The following LMBR1 variants were observed in gnomAD, a reference collection of about 807,000 sequenced individuals.
The protein encoded by LMBR1 is limb development membrane protein 1.
A neutral mutation model predicts 73.9 loss-of-function variants in LMBR1; 52 were observed. The ratio of observed to expected loss-of-function variants is 0.70; its 90% CI spans 0.56 to 0.89. The LOEUF is 0.89. Ranked by LOEUF, LMBR1 falls within the 40% of genes least tolerant of loss-of-function variation. LMBR1 has a pLI of 0.00. For synonymous variants in LMBR1, 215 were observed against 209.4 expected, an observed-to-expected ratio of 1.03 and a Z score of -0.23; for missense variants, 539 against 579.8, an observed-to-expected ratio of 0.93 and a Z score of 0.72.
chr7:156,850,725 C>T (rs1796118662), intron 1 of LMBR1, among the ~76,000 whole-genome samples: 1 of 151,828 alleles, frequency 6.6e-6, no homozygotes, highest in Admixed American at 6.5e-5. Flanking sequence ...CAATTGTATA[C>T]CCACACAAGG....
chr7:156,703,246 G>A (rs971777630), intron 15 of LMBR1, among the ~76,000 whole-genome samples: 4 of 152,204 alleles, frequency 2.6e-5, no homozygotes, highest in African/African-American at 9.7e-5. Flanking sequence ...CCAACCACTG[G>A]AGTTAGGGGG....
chr7:156,837,297 C>T (rs1177698148), intron 1 of LMBR1, among the ~76,000 whole-genome samples: 4 of 148,164 alleles, frequency 2.7e-5, no homozygotes, highest in Non-Finnish European at 5.9e-5. Context: ...ATCACACCAT[C>T]GCACTCTAGC....
intron 10 of LMBR1, among the ~76,000 whole-genome samples, chr7:156,733,435 G>C (rs1187991734): frequency 6.6e-6 from 1 of 152,054 alleles, no homozygotes; most frequent in Non-Finnish European, 1.5e-5. Flanking sequence ...GAACGTGTTA[G>C]AGACATAATA....
At chr7:156,812,658 T>A (rs1200413695) in intron 4 of LMBR1, among the ~76,000 whole-genome samples, 1 of 152,180 alleles carries the variant, frequency 6.6e-6, no homozygotes, top group African/African-American at 2.4e-5. Flanking sequence ...TGTAAGACTC[T>A]ACACAGAGGG....
intron 1 of LMBR1, among the ~76,000 whole-genome samples, chr7:156,837,714 C>A (rs1199684788): frequency 6.6e-6 from 1 of 151,014 alleles, no homozygotes; most frequent in African/African-American, 2.4e-5. Flanking sequence ...AGATATACCC[C>A]ATATCAAAAT....
intron 3 of LMBR1, among the ~76,000 whole-genome samples, chr7:156,833,035 A>G (rs1345266484): frequency 6.6e-6 from 1 of 152,214 alleles, no homozygotes; most frequent in South Asian, 2.1e-4. Context: ...GGTAGAATGC[A>G]CTGTTTATTG....
At chr7:156,723,621 G>C (rs1293848260) in intron 15 of LMBR1, among the ~76,000 whole-genome samples, 1 of 152,082 alleles carries the variant, frequency 6.6e-6, no homozygotes, top group Non-Finnish European at 1.5e-5. Flanking sequence ...TGAATGACAG[G>C]CAAGTAGGAA....
chr7:156,892,143 A>G (rs2134666132), intron 1 of LMBR1, among the ~76,000 whole-genome samples: 1 of 152,382 alleles, frequency 6.6e-6, no homozygotes, highest in East Asian at 1.9e-4. Flanking sequence ...CCAACAGCAC[A>G]CATGGAACAT....
intron 4 of LMBR1, among the ~76,000 whole-genome samples, chr7:156,799,584 C>A (rs1488390830): frequency 6.6e-5 from 10 of 152,156 alleles, no homozygotes. Flanking sequence ...CCTAGGGCCT[C>A]CCCATTCCCT....
At chr7:156,847,340 G>A (rs1795635157) in intron 1 of LMBR1, among the ~76,000 whole-genome samples, 1 of 152,140 alleles carries the variant, frequency 6.6e-6, no homozygotes, top group Non-Finnish European at 1.5e-5. Context: ...GAGACTCCTA[G>A]AAGATAACAA....
downstream of LMBR1, among the ~76,000 whole-genome samples, chr7:156,673,906 T>TAAAA (rs3030984): frequency 4.3e-3 from 433 of 100,852 alleles, 2 homozygotes; most frequent in South Asian, 0.016. Flanking sequence ...TCCACATTAA[T>TAAAA]AAAAAAAAAA....
chr7:156,764,309 G>T (rs1308394535), intron 5 of LMBR1, among the ~76,000 whole-genome samples: 1 of 152,252 alleles, frequency 6.6e-6, no homozygotes, highest in East Asian at 1.9e-4. Context: ...ATAAACTATA[G>T]AGATACTGCT....
chr7:156,818,622 G>A (rs1834291383), intron 4 of LMBR1, among the ~76,000 whole-genome samples: 1 of 152,080 alleles, frequency 6.6e-6, no homozygotes, highest in South Asian at 2.1e-4. Flanking sequence ...ACAATTCAGT[G>A]GCATTTGCAC....
rs1807463055 is a variant in LMBR1 at position 156,692,657 on chromosome 7, G to A, written c.1226-4466C>T. Among the ~76,000 whole-genome samples the A allele has an allele frequency of 2.0e-5, 3 of 152,328 alleles. No homozygotes were observed. The South Asian group carries it at 6.2e-4, about 32-fold the overall frequency. On this transcript the variant is annotated intron_variant, in intron 15 of 16. Transcript: ENST00000353442. The stretch of plus-strand genomic sequence containing the variant: ...GTTTACCACCTAAAGAGAGACTGCA[G>A]TGTAGAGAGAAGAGCTGAGGAGAGC...
At position 156,678,677 on chromosome 7, in the gene LMBR1, C is replaced by T. The variant is rs1671256681; in HGVS notation, c.*5401G>A. 6.6e-6 allele frequency: 1 copy of T among 152,144 alleles called. No individual in the cohort carries two copies. Among genetic ancestry groups the T allele is most frequent in the African/African-American group, 2.4e-5 (1 of 41,416 alleles). The allele number at this position is 152,144 out of a possible 1,614,324, so 9.4% of individuals were successfully genotyped here. ...GGACAGGGAGAGCCCTGTCTGCTGC[C>T]CTCATTGTGTCTTCCTGGTCAGCTA... is the stretch of plus-strand genomic sequence containing the variant. On this transcript the variant is annotated 3_prime_UTR_variant, in exon 17 of 17. Coordinates refer to ENST00000353442, the MANE Select transcript of LMBR1 (RefSeq NM_022458.4).
At position 156,695,841 on chromosome 7, in the gene LMBR1, T is replaced by C. The variant is rs1808166609; in HGVS notation, c.1226-7650A>G. Among the ~76,000 whole-genome samples, 4 of 143,204 alleles carry C rather than the reference T, an allele frequency of 2.8e-5. No homozygotes were observed. The South Asian group carries it at 6.5e-4, about 23-fold the overall frequency. 93.9% of individuals were successfully genotyped at this position (143,204 alleles called of 152,430 possible). On this transcript the variant is annotated intron_variant, in intron 15 of 16. Transcript: ENST00000353442. ...TGTAATCCAGACAGTGTAGTACTGA[T>C]GTAAAGAAAAAAAAAGACACTGATG... is the stretch of plus-strand genomic sequence containing the variant.
chr7:156,729,741 G>A (rs1816485853), intron 10 of LMBR1, among the ~76,000 whole-genome samples: 1 of 152,140 alleles, frequency 6.6e-6, no homozygotes, highest in Non-Finnish European at 1.5e-5. Context: ...CCAAAGGGCT[G>A]GGATTACAGG....
At chr7:156,856,662 C>T (rs747297166) in intron 1 of LMBR1, among the ~76,000 whole-genome samples, 1 of 151,526 alleles carries the variant, frequency 6.6e-6, no homozygotes. Flanking sequence ...GCAGAGGTCA[C>T]ACCACTGCAC....
rs139286661 is a variant in LMBR1 at position 156,707,970 on chromosome 7, T to C, written c.1225+16142A>G. Among the ~76,000 whole-genome samples, 397 of 152,040 alleles carry C rather than the reference T, an allele frequency of 2.6e-3. 3 individuals are homozygous for C. Among genetic ancestry groups the C allele is most frequent in the African/African-American group, 9.1e-3 (376 of 41,450 alleles). On this transcript the variant is annotated intron_variant, in intron 15 of 16. Coordinates refer to ENST00000353442, the MANE Select transcript of LMBR1 (RefSeq NM_022458.4). Reference sequence around the variant, plus strand: ...TCCCCCCACAAAAAAGCTCTTGGATTTGATAAATTCAGTAAAGTTTCAGAA... The same window carrying C: ...TCCCCCCACAAAAAAGCTCTTGGATCTGATAAATTCAGTAAAGTTTCAGAA...
Sources: gnomAD v4.1 joint callset for allele counts (sites outside exome capture counted in the v4.1 genomes callset) on GRCh38, gnomAD v4.1.1 for gene constraint, MANE v1.5 for transcripts, NCBI Gene and HGNC (gene_info 2026-07-23, HGNC 2026-07-21) for gene names.